The following LARS2 variants were observed in gnomAD, a reference collection of about 807,000 sequenced individuals.
LARS2 encodes the protein leucine--tRNA ligase, mitochondrial.
In LARS2, 81 loss-of-function variants were observed where a neutral mutation model predicts 116.6. The observed-to-expected ratio is 0.69, with a 90% confidence interval of 0.58 to 0.84. The LOEUF is 0.84. Among genes scored for constraint, LARS2 ranks in the 40% least tolerant of loss-of-function variants. LARS2 has a pLI of 0.00. For synonymous variants in LARS2, 396 were observed against 407.2 expected (o/e 0.97, Z 0.33); for missense variants, 968 against 1,114.5 (o/e 0.87, Z 1.87).
intron 9 of LARS2, among the ~76,000 whole-genome samples, chr3:45,476,153 T>C (rs762258171): frequency 1.8e-4 from 28 of 152,164 alleles, no homozygotes; most frequent in Non-Finnish European, 2.4e-4. Context: ...CTAATAGTTA[T>C]TTTTGATTTG....
At chr3:45,454,000 C>T (rs78769521) in intron 7 of LARS2, among the ~76,000 whole-genome samples, 5,560 of 151,766 alleles carry the variant, frequency 0.037, 104 homozygotes, top group Middle Eastern at 0.088. Context: ...CTAGAAGGGA[C>T]AGGCACCCTG....
At chr3:45,392,260 T>G (rs1182268863) in intron 2 of LARS2, among the ~76,000 whole-genome samples, 1 of 152,126 alleles carries the variant, frequency 6.6e-6, no homozygotes, top group African/African-American at 2.4e-5. Context: ...CTGTGTACTT[T>G]AAAATAGCCA....
In LARS2 at chr3:45,547,782, C is replaced by T. The variant is rs78404793; in HGVS notation, c.*252C>T. 2.8e-3 allele frequency: 1,129 copies of T among 402,568 alleles called. 10 individuals carry two copies. The highest frequency in any genetic ancestry group is 0.022 in the African/African-American group (1,045 of 48,388). The allele number at this position is 402,568 out of a possible 1,614,324, so 24.9% of individuals were successfully genotyped here. On this transcript the variant is annotated 3_prime_UTR_variant, in exon 22 of 22. Coordinates refer to ENST00000645846, the MANE Select transcript of LARS2 (RefSeq NM_015340.4). ...GTTGGACATCCTGCCCCTCACCCCCCACCCACACTGCAGGTAGAGGAGGCC... is the reference window on the plus strand; with the variant it reads ...GTTGGACATCCTGCCCCTCACCCCCTACCCACACTGCAGGTAGAGGAGGCC...
chr3:45,529,869 G>A (rs1296318325), intron 20 of LARS2, among the ~76,000 whole-genome samples: 3 of 152,178 alleles, frequency 2.0e-5, no homozygotes, highest in Non-Finnish European at 1.5e-5. Context: ...TCACACCTTT[G>A]CAGCTGTGAG....
intron 18 of LARS2, among the ~76,000 whole-genome samples, chr3:45,519,287 T>C (rs1700415674): frequency 6.6e-6 from 1 of 151,784 alleles, no homozygotes; most frequent in Non-Finnish European, 1.5e-5. Flanking sequence ...ATCAAGAGAT[T>C]GAGACCATCC....
chr3:45,540,889 A>C (rs781241805), intron 20 of LARS2, among the ~76,000 whole-genome samples: 1 of 152,052 alleles, frequency 6.6e-6, no homozygotes, highest in African/African-American at 2.4e-5. Context: ...GGGCTCAAGC[A>C]GTCCTCCTGC....
chr3:45,459,127 G>A (rs576060651), intron 8 of LARS2, among the ~76,000 whole-genome samples: 33 of 152,180 alleles, frequency 2.2e-4, no homozygotes, highest in Non-Finnish European at 3.1e-4. Context: ...GTTTGCTGAC[G>A]TTTCAACTTA....
chr3:45,415,067 C>T (rs1335430197), intron 4 of LARS2, among the ~76,000 whole-genome samples: 2 of 152,180 alleles, frequency 1.3e-5, no homozygotes, highest in Non-Finnish European at 2.9e-5. Context: ...TTTGAGAGAG[C>T]TTGATAGTGA....
At chr3:45,535,065 A>G (rs998490700) in intron 20 of LARS2, among the ~76,000 whole-genome samples, 1 of 152,148 alleles carries the variant, frequency 6.6e-6, no homozygotes, top group African/African-American at 2.4e-5. Context: ...AAGAGCAGAA[A>G]ATCATCTAAC....
chr3:45,469,640 G>T (rs1336609523), intron 8 of LARS2, among the ~76,000 whole-genome samples: 1 of 152,000 alleles, frequency 6.6e-6, no homozygotes, highest in East Asian at 1.9e-4. Flanking sequence ...CACTGTGCCC[G>T]GCCGGGTTTT....
In LARS2 at chr3:45,458,980, T is replaced by C. The variant is rs534276657; in HGVS notation, c.750+94T>C. ...GTATGAGAGAGCCTCACTGTTGGGG[T>C]TGAGCTCTAGGAAGGGCTGGGAGCC... On this transcript the variant is annotated intron_variant, in intron 8 of 21. Coordinates refer to ENST00000645846, the MANE Select transcript of LARS2 (RefSeq NM_015340.4). The C allele has an allele frequency of 9.0e-5, 120 of 1,329,892 alleles. 2 individuals carry two copies. In the South Asian group the frequency reaches 1.5e-3, roughly 16 times the overall value. 82.4% of individuals were successfully genotyped at this position (1,329,892 alleles called of 1,614,324 possible).
chr3:45,447,249 C>T (rs543614919), intron 7 of LARS2, among the ~76,000 whole-genome samples: 2 of 152,300 alleles, frequency 1.3e-5, no homozygotes, highest in South Asian at 4.1e-4. Flanking sequence ...CTTCTCAAAT[C>T]CTAGCTCAGC....
intron 18 of LARS2, 37 bp from the exon 19 acceptor site, chr3:45,520,182 T>C: frequency 6.8e-7 from 1 of 1,462,678 alleles, no homozygotes; most frequent in Non-Finnish European, 9.6e-7. Flanking sequence ...CTTAAAAGAA[T>C]TTTGAAATAA....
chr3:45,433,519 G>A (rs1026804403), intron 6 of LARS2, among the ~76,000 whole-genome samples: 3 of 151,922 alleles, frequency 2.0e-5, no homozygotes, highest in African/African-American at 7.3e-5. Context: ...ACTTCCCTTT[G>A]CATGACTTTA....
chr3:45,512,039 C>T (rs1440875109), intron 15 of LARS2, among the ~76,000 whole-genome samples: 2 of 152,174 alleles, frequency 1.3e-5, no homozygotes, highest in South Asian at 2.1e-4. Context: ...CCTCCCAAAG[C>T]GCTAGGATTA....
intron 10 of LARS2, among the ~76,000 whole-genome samples, chr3:45,481,540 C>T (rs189935058): frequency 6.6e-6 from 1 of 152,308 alleles, no homozygotes; most frequent in East Asian, 1.9e-4. Flanking sequence ...TGATTATGGT[C>T]ATCCTAGTGG....
chr3:45,518,179 G>T (rs1700401887), intron 18 of LARS2, 107 bp downstream of exon 18: 1 of 780,092 alleles, frequency 1.3e-6, no homozygotes, highest in South Asian at 1.8e-5. Context: ...GGCCACTGTG[G>T]GTCTTCCTTC....
At position 45,419,711 on chromosome 3, in the gene LARS2, G is replaced by A. The variant is rs1698485726; in HGVS notation, c.498G>A (p.Leu166=). The A allele has an allele frequency of 6.2e-7, 1 of 1,613,886 alleles. No individual in the cohort carries two copies. Among genetic ancestry groups the A allele is most frequent in the African/African-American group, 1.3e-5 (1 of 75,038 alleles). Residue 166 remains leucine (L), a synonymous_variant, in exon 6 of 22, where the codon CTG becomes CTA. Coordinates refer to ENST00000645846, the MANE Select transcript of LARS2 (RefSeq NM_015340.4). ...GGAAACAGCTTGATCGTCTGGGCCTGTGTTTCAGCTGGGATAGGGTAAGTC... is the reference window on the plus strand; with the variant it reads ...GGAAACAGCTTGATCGTCTGGGCCTATGTTTCAGCTGGGATAGGGTAAGTC... The part of the protein sequence containing the change: ...HMRKQLDRLG[L]CFSWDREITT...
chr3:45,400,874 C>T (rs550588503), intron 4 of LARS2, among the ~76,000 whole-genome samples: 8 of 151,840 alleles, frequency 5.3e-5, no homozygotes, highest in Admixed American at 2.0e-4. Flanking sequence ...AGTGCAGTGA[C>T]GCAGTCTCGG....
Sources: allele counts gnomAD v4.1 joint callset (sites outside exome capture counted in the v4.1 genomes callset), GRCh38; gene constraint gnomAD v4.1.1; transcripts MANE v1.5; gene names NCBI Gene and HGNC (gene_info 2026-07-23, HGNC 2026-07-21).